EHBP1: variants seen among roughly 807,000 people sequenced by gnomAD.
EHBP1 encodes EH domain-binding protein 1.
EHBP1 carries 55 observed loss-of-function variants against 144.0 expected under a neutral mutation model. That is an observed-to-expected ratio of 0.38 (90% confidence interval 0.31 to 0.48). EHBP1 has a LOEUF of 0.48. EHBP1 is among the 20% of genes least tolerant of loss of function. The probability of loss-of-function intolerance (pLI) is 0.98; values close to 1 mark genes in which losing one functional copy is unlikely to be tolerated. For synonymous variants in EHBP1, 469 were observed against 472.7 expected (o/e 0.99, Z 0.10); for missense variants, 1,200 against 1,364.2 (o/e 0.88, Z 1.90).
At chr2:62,972,989 T>A (rs2058562541) in intron 14 of EHBP1, among the ~76,000 whole-genome samples, 1 of 152,188 alleles carries the variant, frequency 6.6e-6, no homozygotes, top group Non-Finnish European at 1.5e-5. Flanking sequence ...AGAACAATGA[T>A]GAGTAAATAA....
chr2:62,957,522 A>T (rs2057762009), intron 14 of EHBP1, among the ~76,000 whole-genome samples: 1 of 152,106 alleles, frequency 6.6e-6, no homozygotes, highest in South Asian at 2.1e-4. Context: ...AAAAAGGTAT[A>T]ACATATGAAA....
At chr2:62,984,574 G>A (rs1001094596) in intron 15 of EHBP1, among the ~76,000 whole-genome samples, 1 of 152,108 alleles carries the variant, frequency 6.6e-6, no homozygotes, top group African/African-American at 2.4e-5. Flanking sequence ...CTTCAGTTCT[G>A]TAAGAATACA....
intron 2 of EHBP1, among the ~76,000 whole-genome samples, chr2:62,744,380 G>C (rs946142438): frequency 2.0e-5 from 3 of 151,968 alleles, no homozygotes; most frequent in African/African-American, 7.3e-5. Context: ...TCTCTTGGGA[G>C]TATATAAGTA....
intron 2 of EHBP1, among the ~76,000 whole-genome samples, chr2:62,729,289 CATATAATATTTTATAATATA>C: frequency 7.8e-6 from 1 of 128,034 alleles, no homozygotes; most frequent in South Asian, 2.3e-4. Context: ...AGATTTTGCA[CATATAATATTTTATAATATA>C]ATATAATATT....
intron 1 of EHBP1, among the ~76,000 whole-genome samples, chr2:62,698,523 T>TG (rs1341934634): frequency 6.6e-6 from 1 of 152,262 alleles, no homozygotes; most frequent in African/African-American, 2.4e-5. Context: ...GATTGAACTA[T>TG]GGCACAAAAA....
intron 9 of EHBP1, among the ~76,000 whole-genome samples, chr2:62,865,929 A>G (rs2049999972): frequency 1.3e-5 from 2 of 152,234 alleles, no homozygotes; most frequent in African/African-American, 2.4e-5. Flanking sequence ...TATGAGGAGC[A>G]CTACTCTGTG....
intron 15 of EHBP1, among the ~76,000 whole-genome samples, chr2:62,986,264 TA>T (rs1280681086): frequency 6.6e-6 from 1 of 152,184 alleles, no homozygotes; most frequent in East Asian, 1.9e-4. Flanking sequence ...ATGAGTCAAA[TA>T]GTTGATAAGC....
chr2:62,889,233 G>GT (rs1221813597), intron 10 of EHBP1, among the ~76,000 whole-genome samples: 1 of 148,996 alleles, frequency 6.7e-6, no homozygotes, highest in Non-Finnish European at 1.5e-5. Flanking sequence ...GTTGTTTGGT[G>GT]TTTTTGTGTG....
At chr2:62,701,407 C>G (rs2034277835), upstream of EHBP1, among the ~76,000 whole-genome samples, 1 of 152,112 alleles carries the variant, frequency 6.6e-6, no homozygotes, top group Non-Finnish European at 1.5e-5. Flanking sequence ...TTGGGACTAG[C>G]CACATTTCAA....
Position 62,707,108 on chromosome 2 carries a change from A to G in EHBP1, c.-84A>G, listed in dbSNP as rs1488815899. On this transcript the variant is annotated 5_prime_UTR_variant, in exon 2 of 23. Transcript: ENST00000431489. ...TGAGTTTTTAAAAGACATACATGCA[A>G]AGTTCCTTTGCTTTGGACCCTCTGC... 1.8e-5 allele frequency: 19 copies of G among 1,034,050 alleles called. No individual in the cohort carries two copies. The highest frequency in any genetic ancestry group is 2.6e-5 in the Non-Finnish European group (17 of 659,702). The allele number at this position is 1,034,050 out of a possible 1,614,324, so 64.1% of individuals were successfully genotyped here.
intron 19 of EHBP1, among the ~76,000 whole-genome samples, chr2:63,016,300 C>T (rs946720986): frequency 6.6e-6 from 1 of 151,940 alleles, no homozygotes; most frequent in Non-Finnish European, 1.5e-5. Flanking sequence ...TTAACTGTGT[C>T]AAGATTTTAG....
At chr2:62,908,430 T>A (rs941413311) in intron 10 of EHBP1, among the ~76,000 whole-genome samples, 1 of 152,140 alleles carries the variant, frequency 6.6e-6, no homozygotes, top group African/African-American at 2.4e-5. Context: ...TTTTTTTCTC[T>A]ATTTTTTTCT....
intron 5 of EHBP1, among the ~76,000 whole-genome samples, chr2:62,825,090 A>C (rs115637642): frequency 0.029 from 4,365 of 151,916 alleles, 201 homozygotes; most frequent in African/African-American, 0.098. Context: ...TTTGGTCTTA[A>C]CTCCCATATC....
At chr2:62,783,085 A>C (rs2042556259) in intron 5 of EHBP1, among the ~76,000 whole-genome samples, 1 of 152,224 alleles carries the variant, frequency 6.6e-6, no homozygotes, top group African/African-American at 2.4e-5. Flanking sequence ...ATGCAAGTCC[A>C]AAATCCAACA....
intron 2 of EHBP1, among the ~76,000 whole-genome samples, chr2:62,713,643 T>A (rs1042199112): frequency 6.6e-6 from 1 of 152,232 alleles, no homozygotes; most frequent in African/African-American, 2.4e-5. Flanking sequence ...TTCCCTAGTT[T>A]CTAGGCTTGC....
intron 2 of EHBP1, among the ~76,000 whole-genome samples, chr2:62,746,379 T>G (rs569077274): frequency 6.6e-6 from 1 of 152,062 alleles, no homozygotes; most frequent in South Asian, 2.1e-4. Context: ...GGAGGCCTCT[T>G]ATGTGTGTGT....
At chr2:62,902,477 T>G (rs1401729011) in intron 10 of EHBP1, among the ~76,000 whole-genome samples, 3 of 152,226 alleles carry the variant, frequency 2.0e-5, no homozygotes, top group Admixed American at 6.5e-5. Flanking sequence ...TTCTTTAAAA[T>G]GTTTAACATT....
Position 62,948,968 on chromosome 2 carries a change from T to A in EHBP1, c.2122T>A (p.Leu708Ile), listed in dbSNP as rs769652206. The A allele has an allele frequency of 6.2e-7, 1 of 1,614,014 alleles. No individual in the cohort carries two copies. The highest frequency in any genetic ancestry group is 8.5e-7 in the Non-Finnish European group (1 of 1,179,958). Residue 708 changes from leucine to isoleucine, a missense_variant, in exon 13 of 23, where the codon TTA (leucine) becomes ATA (isoleucine). Around this residue, in one of 6 missense-constraint regions of EHBP1, gnomAD observed 543 missense variants for 513.1 expected, o/e 1.06. Coordinates refer to ENST00000431489, the MANE Select transcript of EHBP1 (RefSeq NM_001142616.3). The part of the protein sequence containing the change: ...EKEKLENSRS[L>I]ECRSDPESPI... ...AGAAAAATTAGAGAATTCCAGATCC[T>A]TAGAATGCAGATCAGATCCAGAATC...
chr2:62,674,459 T>C (rs1319201955), intron 1 of EHBP1, among the ~76,000 whole-genome samples: 2 of 152,202 alleles, frequency 1.3e-5, no homozygotes, highest in Non-Finnish European at 2.9e-5. Flanking sequence ...GGTTGTGCTT[T>C]TTGGTGGTTT....
Sources: allele counts gnomAD v4.1 joint callset (sites outside exome capture counted in the v4.1 genomes callset), GRCh38; gene constraint gnomAD v4.1.1; regional missense constraint gnomAD v4.1.1; transcripts MANE v1.5; gene names NCBI Gene and HGNC (gene_info 2026-07-23, HGNC 2026-07-21).